INSRR: variants seen among roughly 807,000 people sequenced by gnomAD.
The protein encoded by INSRR is insulin receptor-related protein.
In INSRR, 114 loss-of-function variants were observed where a neutral mutation model predicts 130.0. The observed-to-expected ratio is 0.88, with a 90% CI of 0.75 to 1.02. INSRR has a LOEUF of 1.02. INSRR is among the 50% of genes least tolerant of loss of function. INSRR has a pLI of 0.00. For missense variants in INSRR, 1,657 were observed against 1,735.2 expected (o/e 0.95, Z 0.80); for synonymous variants, 674 against 705.2 (o/e 0.96, Z 0.70).
At chr1:156,841,189 G>T in intron 21 of INSRR, 85 bp from the exon 22 acceptor site, 2 of 1,148,590 alleles carry the variant, frequency 1.7e-6, no homozygotes, top group Non-Finnish European at 1.3e-6. Context: ...CAGTTGGTGG[G>T]AGTGGGGATC....
chr1:156,852,867 C>T (rs777865325), intron 2 of INSRR, among the ~76,000 whole-genome samples: 15 of 152,106 alleles, frequency 9.9e-5, no homozygotes, highest in South Asian at 4.1e-4. Context: ...GGGGTGCAGC[C>T]GATACAGCAG....
chr1:156,844,980 A>G (rs1262735997), intron 12 of INSRR, 96 bp downstream of exon 12: 2 of 1,535,726 alleles, frequency 1.3e-6, no homozygotes, highest in Admixed American at 3.8e-5. Context: ...AAGCAAAGCG[A>G]GGCTCTGGGG....
chr1:156,840,737 C>T lies in INSRR; in HGVS notation c.*136G>A, dbSNP rs1180395202. The T allele has an allele frequency of 2.3e-5, 16 of 697,858 alleles. No homozygotes were observed. Among genetic ancestry groups the T allele is most frequent in the East Asian group, 1.1e-4 (4 of 37,096 alleles). 43.2% of individuals were successfully genotyped at this position (697,858 alleles called of 1,614,324 possible). ...CTGCCCACCCCCACAGCCTTCCCTG[C>T]TCCTGTTCTCTGCCCCACCCTCGGC... On this transcript the variant is annotated 3_prime_UTR_variant, in exon 22 of 22. Coordinates refer to ENST00000368195, the MANE Select transcript of INSRR (RefSeq NM_014215.3).
At position 156,852,135 on chromosome 1, in the gene INSRR, C is replaced by T. The variant is rs140347940; in HGVS notation, c.694G>A (p.Glu232Lys). ...GGCTGGCTGCAGCCCCCCAGGCATT[C>T]GGTGTGGCAGCACTCGCCCCTCGCT... is the stretch of plus-strand genomic sequence containing the variant. ...CTARGECCHT[E>K]CLGGCSQPED... is the part of the protein sequence containing the mutation. Residue 232 changes from glutamate (E) to lysine (K), a missense_variant, in exon 3 of 22, where the codon GAA becomes AAA. By Grantham distance (56) the Glu-to-Lys change is moderately conservative. Transcript: ENST00000368195. 1.5e-4 allele frequency: 241 copies of T among 1,612,952 alleles called. 1 individual carries two copies. The highest frequency in any genetic ancestry group is 1.8e-4 in the Non-Finnish European group (215 of 1,179,674).
intron 2 of INSRR, among the ~76,000 whole-genome samples, chr1:156,853,230 G>C (rs1655288887): frequency 6.6e-6 from 1 of 152,092 alleles, no homozygotes. Context: ...AGCTGACCCT[G>C]GATCACTGTG....
intron 1 of INSRR, among the ~76,000 whole-genome samples, chr1:156,855,131 G>T (rs1453131717): frequency 6.6e-6 from 1 of 151,680 alleles, no homozygotes; most frequent in Non-Finnish European, 1.5e-5. Context: ...CTTAAGTCTG[G>T]CCAAATGTCC....
rs1044957515 is a variant in INSRR at position 156,840,559 on chromosome 1, G to T, written c.*314C>A. 7.5e-6 allele frequency: 3 copies of T among 401,244 alleles called. No individual in the cohort carries two copies. The highest frequency in any genetic ancestry group is 1.4e-5 in the Non-Finnish European group (3 of 215,902). The allele number at this position is 401,244 out of a possible 1,614,324, so 24.9% of individuals were successfully genotyped here. A position where few individuals can be genotyped will look rare whatever the true frequency, so the allele number is the denominator to read the frequency against. ...CAAACTGAGGGGCAGGGCCTCTAGG[G>T]TGGGCGGGCCCCCTCTTCCTAGTCT... On this transcript the variant is annotated 3_prime_UTR_variant, in exon 22 of 22. Coordinates refer to ENST00000368195, the MANE Select transcript of INSRR (RefSeq NM_014215.3).
chr1:156,855,254 A>G (rs1299364141), intron 1 of INSRR, among the ~76,000 whole-genome samples: 1 of 151,148 alleles, frequency 6.6e-6, no homozygotes, highest in African/African-American at 2.4e-5. Context: ...CCCAGGCTAG[A>G]GTGCAGTGGC....
chr1:156,849,559 C>A, intron 5 of INSRR, 99 bp from the exon 6 acceptor site: 1 of 881,240 alleles, frequency 1.1e-6, no homozygotes, highest in South Asian at 1.6e-5. Flanking sequence ...TTTGCTGGGC[C>A]CGGGGAGAGG....
At position 156,845,159 on chromosome 1, in the gene INSRR, A is replaced by T. The variant is rs1374535164; in HGVS notation, c.2354T>A (p.Ile785Asn). ...SGLRHFTEYRIDIHACNHAAH... is the reference protein window; with the variant it reads ...SGLRHFTEYRNDIHACNHAAH... ...CGCGTGGTTGCAGGCATGGATGTCG[A>T]TCCGGTATTCCGTGAAGTGGCGCAG... Residue 785 changes from isoleucine (I) to asparagine (N), a missense_variant, in exon 12 of 22, where the codon ATC becomes AAC. Coordinates refer to ENST00000368195, the MANE Select transcript of INSRR (RefSeq NM_014215.3). 1 of 1,611,782 alleles carries T rather than the reference A, an allele frequency of 6.2e-7. No individual in the cohort carries two copies. The highest frequency in any genetic ancestry group is 8.5e-7 in the Non-Finnish European group (1 of 1,179,312).
At chr1:156,841,264 G>C (rs1446460072) in intron 21 of INSRR, 130 bp downstream of exon 21, 5 of 1,030,156 alleles carry the variant, frequency 4.9e-6, no homozygotes, top group Non-Finnish European at 7.5e-6. Context: ...TTGGGATAGG[G>C]GGGTGGCGCT....
In INSRR at chr1:156,851,410, T is replaced by G; in HGVS notation, c.1109A>C (p.His370Pro). 6.2e-7 allele frequency: 1 copy of G among 1,614,122 alleles called. No homozygotes were observed. The highest frequency in any genetic ancestry group is 8.5e-7 in the Non-Finnish European group (1 of 1,179,996). ...AATGGTTTCTACCAGCCCCAGGCTG[T>G]GCTGCAGCTGTGGCTCCAGGTTGTC... ...QGYNLEPQLQHSLGLVETITG... is the reference protein window; with the variant it reads ...QGYNLEPQLQPSLGLVETITG... Residue 370 changes from histidine (H) to proline (P), a missense_variant, in exon 5 of 22, where the codon CAC becomes CCC. Physicochemically the swap from His to Pro is moderately conservative, Grantham distance 77. Coordinates refer to ENST00000368195, the MANE Select transcript of INSRR (RefSeq NM_014215.3).
Position 156,843,114 on chromosome 1 carries a change from C to T in INSRR, c.3016G>A (p.Glu1006Lys). The T allele has an allele frequency of 6.2e-7, 1 of 1,614,168 alleles. No individual in the cohort carries two copies. Among genetic ancestry groups the T allele is most frequent in the Non-Finnish European group, 8.5e-7 (1 of 1,180,038 alleles). ...GLARGLEAGE[E>K]STPVALKTVN... ...GTCTTCAGGGCCACGGGTGTGGACT[C>T]CTCTCCAGCCTCAAGTCCTCGTGCC... The change falls in exon 17 of 22, where the codon GAG becomes AAG. Residue 1006 changes from glutamate to lysine, a missense_variant. Glu to Lys is a moderately conservative substitution (Grantham distance 56, BLOSUM62 1). Transcript: ENST00000368195.
Position 156,844,174 on chromosome 1 carries a change from C to T in INSRR, c.2843+1G>A. 1.2e-6 allele frequency: 2 copies of T among 1,610,560 alleles called. No homozygotes were observed. The highest frequency in any genetic ancestry group is 1.7e-6 in the Non-Finnish European group (2 of 1,177,218). On this transcript the variant is annotated splice_donor_variant, in intron 15 of 21. Transcript: ENST00000368195. LOFTEE classifies it high-confidence loss of function. Reference sequence around the variant, plus strand: ...TGGGGACCGGTGGGACTTATCATCACCTCTTCTTGCCGTAGAAGAAACCAA... The same window carrying T: ...TGGGGACCGGTGGGACTTATCATCATCTCTTCTTGCCGTAGAAGAAACCAA...
In INSRR at chr1:156,849,323, A is replaced by G. The variant is rs768834374; in HGVS notation, c.1367T>C (p.Leu456Pro). The change falls in exon 6 of 22, where the codon CTG becomes CCG. Residue 456 changes from leucine (L) to proline (P), a missense_variant. Physicochemically the swap from Leu to Pro is moderately conservative, Grantham distance 98. Transcript: ENST00000368195. ...PRLCLEHIYR[L>P]EEVTGTRGRQ... Reference sequence around the variant, plus strand: ...ACCTCGCGTGCCTGTCACCTCCTCCAGTCGGTAGATGTGTTCCAAGCAGAG... The same window carrying G: ...ACCTCGCGTGCCTGTCACCTCCTCCGGTCGGTAGATGTGTTCCAAGCAGAG... 12 of 1,613,642 alleles carry G rather than the reference A, an allele frequency of 7.4e-6. No individual in the cohort carries two copies. Among genetic ancestry groups the G allele is most frequent in the Middle Eastern group, 1.6e-4 (1 of 6,082 alleles).
rs543738366 is a variant in INSRR, at chr1:156,842,340, C to T, written c.3237+58G>A. The T allele has an allele frequency of 1.5e-4, 247 of 1,612,764 alleles. No homozygotes were observed. The African/African-American group carries it at 2.4e-3, about 16-fold the overall frequency. On this transcript the variant is annotated intron_variant, in intron 18 of 21. Coordinates refer to ENST00000368195, the MANE Select transcript of INSRR (RefSeq NM_014215.3). Reference sequence around the variant, plus strand: ...TGGTCTCCTGTCCAGAACTGGCCCCCACCTCCCACACTGTGCCCAACCCTT... The same window carrying T: ...TGGTCTCCTGTCCAGAACTGGCCCCTACCTCCCACACTGTGCCCAACCCTT...
In INSRR at chr1:156,854,475, G is replaced by A. The variant is rs1655342405; in HGVS notation, c.86-172C>T. ...CTGGGCCCCGGAGGGCTCACCTGCAGCCTGCAGGGTCTCTACCAGATGAGC... is the reference window on the plus strand; with the variant it reads ...CTGGGCCCCGGAGGGCTCACCTGCAACCTGCAGGGTCTCTACCAGATGAGC... On this transcript the variant is annotated intron_variant, in intron 1 of 21. Transcript: ENST00000368195. The surrounding 1 kb of genome is among the most constrained non-coding windows in gnomAD (Gnocchi z 4.2). Among the ~76,000 whole-genome samples, 1 of 152,164 alleles carries A rather than the reference G, an allele frequency of 6.6e-6. No individual in the cohort carries two copies. Among genetic ancestry groups the A allele is most frequent in the African/African-American group, 2.4e-5 (1 of 41,436 alleles).
Position 156,845,122 on chromosome 1 carries a change from C to A in INSRR, c.2391G>T (p.Val797=). ...AGACGAAGGTGGCGGCGCTGCAGCCCACGGTGTGCGCCGCGTGGTTGCAGG... is the reference window on the plus strand; with the variant it reads ...AGACGAAGGTGGCGGCGCTGCAGCCAACGGTGTGCGCCGCGTGGTTGCAGG... ...IHACNHAAHT[V]GCSAATFVFA... is the part of the protein sequence containing the mutation. The change falls in exon 12 of 22, where the codon GTG becomes GTT. Residue 797 remains valine (V), a synonymous_variant. Coordinates refer to ENST00000368195, the MANE Select transcript of INSRR (RefSeq NM_014215.3). 1 of 1,611,554 alleles carries A rather than the reference C, an allele frequency of 6.2e-7. No individual in the cohort carries two copies. Among genetic ancestry groups the A allele is most frequent in the Non-Finnish European group, 8.5e-7 (1 of 1,179,292 alleles).
At chr1:156,855,176 T>TTATCTATCTATCTGTCTATC (rs1655363938) in intron 1 of INSRR, among the ~76,000 whole-genome samples, 1 of 143,462 alleles carries the variant, frequency 7.0e-6, no homozygotes, top group African/African-American at 2.6e-5. Flanking sequence ...CCATCCAATT[T>TTATCTATCTATCTGTCTATC]TATCTATCTA....
Sources: gnomAD v4.1 joint callset for allele counts (sites outside exome capture counted in the v4.1 genomes callset) on GRCh38, gnomAD v4.1.1 for gene constraint, Gnocchi (gnomAD v3.1) non-coding constraint, MANE v1.5 for transcripts, NCBI Gene and HGNC (gene_info 2026-07-23, HGNC 2026-07-21) for gene names.